The following ALDH18A1 variants were observed in gnomAD, a reference collection of about 807,000 sequenced individuals.
The protein encoded by ALDH18A1 is aldehyde dehydrogenase 18 family member A1.
In ALDH18A1, 44 loss-of-function variants were observed where a neutral mutation model predicts 88.8. The ratio of observed to expected loss-of-function variants is 0.50; its 90% CI spans 0.39 to 0.64. ALDH18A1 has a LOEUF of 0.64. Among genes scored for constraint, ALDH18A1 ranks in the 30% least tolerant of loss-of-function variants. ALDH18A1 has a pLI of 0.00. For missense variants in ALDH18A1, 782 were observed against 1,009.5 expected (o/e 0.77, Z 3.05); for synonymous variants, 331 against 372.1 (o/e 0.89, Z 1.27).
At chr10:95,637,690 T>G (rs536132120) in intron 3 of ALDH18A1, among the ~76,000 whole-genome samples, 3 of 152,144 alleles carry the variant, frequency 2.0e-5, no homozygotes, top group Non-Finnish European at 4.4e-5. Context: ...AACAATTGGC[T>G]GGGCATGGTG....
At chr10:95,634,862 A>T (rs2097877700) in intron 5 of ALDH18A1, among the ~76,000 whole-genome samples, 1 of 152,224 alleles carries the variant, frequency 6.6e-6, no homozygotes, top group South Asian at 2.1e-4. Flanking sequence ...TCTAATGTTT[A>T]CGGAAGAGCG....
chr10:95,611,557 C>T (rs2097834538), intron 15 of ALDH18A1, 115 bp from the exon 16 acceptor site: 9 of 1,183,658 alleles, frequency 7.6e-6, no homozygotes, highest in Non-Finnish European at 1.1e-5. Flanking sequence ...CTCCTGTAGC[C>T]TCAACAACTG....
At chr10:95,618,499 A>G (rs965777462) in intron 12 of ALDH18A1, among the ~76,000 whole-genome samples, 1 of 152,154 alleles carries the variant, frequency 6.6e-6, no homozygotes, top group Non-Finnish European at 1.5e-5. Flanking sequence ...ATTTTTTAGT[A>G]GAGACAAGGT....
intron 12 of ALDH18A1, among the ~76,000 whole-genome samples, chr10:95,618,667 T>C (rs1443004272): frequency 6.6e-6 from 1 of 152,192 alleles, no homozygotes; most frequent in African/African-American, 2.4e-5. Flanking sequence ...TCCTAACAGA[T>C]GTACTTATAG....
At chr10:95,627,405 C>A in intron 9 of ALDH18A1, 37 bp downstream of exon 9, 1 of 1,613,242 alleles carries the variant, frequency 6.2e-7, no homozygotes, top group South Asian at 1.1e-5. Context: ...CACTAGTTCC[C>A]ATCACAGGCC....
chr10:95,616,556 G>A lies in ALDH18A1; in HGVS notation c.1526C>T (p.Ala509Val). 6.2e-7 allele frequency: 1 copy of A among 1,601,028 alleles called. No individual in the cohort carries two copies. The highest frequency in any genetic ancestry group is 8.5e-7 in the Non-Finnish European group (1 of 1,173,752). Residue 509 changes from alanine to valine, a missense_variant, in exon 13 of 18, where the codon GCT becomes GTT. Ala to Val is a moderately conservative substitution (Grantham distance 64, BLOSUM62 0). Transcript: ENST00000371224. ...GTGGAGAATCCGGTTGCTGTGTGCA[G>A]CCTCCTTCCCTCCTTTGAGTAACAA... ...NGLLLKGGKE[A>V]AHSNRILHLL...
At chr10:95,648,120 G>A (rs2097904196) in intron 2 of ALDH18A1, among the ~76,000 whole-genome samples, 1 of 152,176 alleles carries the variant, frequency 6.6e-6, no homozygotes, top group Non-Finnish European at 1.5e-5. Flanking sequence ...AGGACTACTA[G>A]GAAGATGGGG....
chr10:95,608,552 A>G (rs2097827073), intron 17 of ALDH18A1, among the ~76,000 whole-genome samples: 1 of 152,206 alleles, frequency 6.6e-6, no homozygotes, highest in South Asian at 2.1e-4. Context: ...CCCAGGCTGG[A>G]GTACAATGGC....
chr10:95,642,243 A>C (rs2097893118), intron 3 of ALDH18A1, among the ~76,000 whole-genome samples: 1 of 152,150 alleles, frequency 6.6e-6, no homozygotes, highest in Non-Finnish European at 1.5e-5. Flanking sequence ...GGCCACGCTC[A>C]TTCATTTATA....
At chr10:95,649,599 C>G (rs1422143006) in intron 2 of ALDH18A1, among the ~76,000 whole-genome samples, 1 of 152,054 alleles carries the variant, frequency 6.6e-6, no homozygotes, top group East Asian at 1.9e-4. Context: ...TCGTGATCTG[C>G]CCACCTCGGC....
At chr10:95,653,186 T>C (rs1329449736) in intron 2 of ALDH18A1, 104 bp downstream of exon 2, 2 of 1,144,814 alleles carry the variant, frequency 1.7e-6, no homozygotes, top group Non-Finnish European at 2.6e-6. Flanking sequence ...AGACCCTGTC[T>C]CCAAACAAAC....
rs556481898 is a variant in ALDH18A1, at chr10:95,611,802, G to A, written c.1924-360C>T. 5.3e-5 allele frequency among the ~76,000 whole-genome samples: 8 copies of A among 151,964 alleles called. No homozygotes were observed. In the South Asian group the frequency reaches 6.2e-4, roughly 12 times the overall value. ...AACCTGGCCAACATGGTGAAACCCCGTCTTTACTAAAAAAATTAGCAGGGC... is the reference window on the plus strand; with the variant it reads ...AACCTGGCCAACATGGTGAAACCCCATCTTTACTAAAAAAATTAGCAGGGC... On this transcript the variant is annotated intron_variant, in intron 15 of 17. Transcript: ENST00000371224.
Position 95,628,475 on chromosome 10 carries a change from G to C in ALDH18A1, c.826C>G (p.Pro276Ala), listed in dbSNP as rs372092118. 1 of 1,613,662 alleles carries C rather than the reference G, an allele frequency of 6.2e-7. No homozygotes were observed. The highest frequency in any genetic ancestry group is 8.5e-7 in the Non-Finnish European group (1 of 1,179,934). Reference sequence around the variant, plus strand: ...ATAAGCTTTGCATCATCTGAACCTGGGGGGCTGTCAAAAAGGCCTAAAAAA... The same window carrying C: ...ATAAGCTTTGCATCATCTGAACCTGCGGGGCTGTCAAAAAGGCCTAAAAAA... The part of the protein sequence containing the change: ...SDVEGLFDSP[P>A]GSDDAKLIDI... Residue 276 changes from proline (P) to alanine (A), a missense_variant, in exon 8 of 18, where the codon CCA (proline) becomes GCA (alanine). By Grantham distance (27) the Pro-to-Ala change is conservative. Around this residue, in one of 3 missense-constraint regions of ALDH18A1, gnomAD observed 556 missense variants for 654.5 expected, o/e 0.85. Transcript: ENST00000371224.
chr10:95,629,746 C>T (rs981545100), intron 7 of ALDH18A1, among the ~76,000 whole-genome samples: 1 of 152,058 alleles, frequency 6.6e-6, no homozygotes, highest in African/African-American at 2.4e-5. Context: ...CCCCTTACCC[C>T]ACCAAGAGCA....
chr10:95,653,207 C>A (rs2097913134), intron 2 of ALDH18A1, 83 bp downstream of exon 2: 3 of 1,313,266 alleles, frequency 2.3e-6, no homozygotes, highest in Non-Finnish European at 2.2e-6. Context: ...AAACAAACAT[C>A]TTTTTTCTCT....
intron 2 of ALDH18A1, among the ~76,000 whole-genome samples, chr10:95,652,966 T>C (rs2097912736): frequency 6.6e-6 from 1 of 151,846 alleles, no homozygotes; most frequent in South Asian, 2.1e-4. Flanking sequence ...GCAGGCAGAT[T>C]GCTTGATCTC....
chr10:95,642,469 G>A (rs2097893601), intron 3 of ALDH18A1, among the ~76,000 whole-genome samples: 1 of 152,110 alleles, frequency 6.6e-6, no homozygotes, highest in Non-Finnish European at 1.5e-5. Flanking sequence ...ACAAAAATTT[G>A]CTGGGCATAA....
intron 7 of ALDH18A1, among the ~76,000 whole-genome samples, chr10:95,631,900 A>G (rs2097870656): frequency 6.6e-6 from 1 of 152,210 alleles, no homozygotes. Flanking sequence ...CAGAGTTACC[A>G]TATGACCCTG....
At chr10:95,640,839 C>T (rs1012933644) in intron 3 of ALDH18A1, among the ~76,000 whole-genome samples, 8 of 152,172 alleles carry the variant, frequency 5.3e-5, no homozygotes, top group African/African-American at 1.9e-4. Flanking sequence ...TTTTTCCTAC[C>T]GTTTTCATCA....
Sources: allele counts gnomAD v4.1 joint callset (sites outside exome capture counted in the v4.1 genomes callset), GRCh38; gene constraint gnomAD v4.1.1; regional missense constraint gnomAD v4.1.1; transcripts MANE v1.5; gene names NCBI Gene and HGNC (gene_info 2026-07-23, HGNC 2026-07-21).